Variants in PLXDC1 observed in about 807,000 individuals in gnomAD.
The protein encoded by PLXDC1 is plexin domain containing 1.
A neutral mutation model predicts 61.3 loss-of-function variants in PLXDC1; 39 were observed. That is an observed-to-expected ratio of 0.64 (90% CI 0.49 to 0.83). The LOEUF is 0.83. PLXDC1 is among the 40% of genes least tolerant of loss of function. PLXDC1 has a pLI of 0.00. For missense variants in PLXDC1, 596 were observed against 666.5 expected (o/e 0.89, Z 1.17); for synonymous variants, 212 against 254.5 (o/e 0.83, Z 1.59).
chr17:39,115,563 G>T (rs1186584250), intron 2 of PLXDC1, among the ~76,000 whole-genome samples: 1 of 152,192 alleles, frequency 6.6e-6, no homozygotes, highest in African/African-American at 2.4e-5. Flanking sequence ...GCTGAGGGTG[G>T]CCACACAGTG....
At chr17:39,144,662 A>C (rs1309612523) in intron 1 of PLXDC1, 1 of 152,262 alleles carries the variant, frequency 6.6e-6, no homozygotes, top group East Asian at 1.9e-4. Context: ...CACAAGTTGG[A>C]CACCTGCCCA....
At chr17:39,075,316 C>G (rs1044418712) in intron 11 of PLXDC1, among the ~76,000 whole-genome samples, 1 of 152,230 alleles carries the variant, frequency 6.6e-6, no homozygotes, top group Admixed American at 6.5e-5. Context: ...CTCTCAGTGC[C>G]AGCTCCTTGT....
rs762364460 is a variant in PLXDC1 at position 39,083,440 on chromosome 17, G to T, written c.989+19C>A. 6 of 1,609,048 alleles carry T rather than the reference G, an allele frequency of 3.7e-6. 1 individual carries two copies. In the South Asian group the frequency reaches 6.6e-5, roughly 18 times the overall value. ...CACAGTCGGCCAGTGGGAGTCAGCA[G>T]GTAACCCTGGGCACAAACCTCTGGA... is the stretch of plus-strand genomic sequence containing the variant. On this transcript the variant is annotated intron_variant, in intron 9 of 13. Transcript: ENST00000315392.
chr17:39,128,653 G>A (rs1911431356), intron 2 of PLXDC1, among the ~76,000 whole-genome samples: 1 of 152,156 alleles, frequency 6.6e-6, no homozygotes, highest in Admixed American at 6.6e-5. Flanking sequence ...TCCTCAAAAA[G>A]TTAAACACAG....
chr17:39,108,645 G>C (rs904117673), intron 4 of PLXDC1: 1 of 539,960 alleles, frequency 1.9e-6, no homozygotes, highest in Middle Eastern at 5.0e-4. Context: ...CAGCAACTCC[G>C]GGACACAGGG....
intron 8 of PLXDC1, 53 bp downstream of exon 8, chr17:39,087,554 A>G: frequency 7.4e-7 from 1 of 1,354,548 alleles, no homozygotes; most frequent in Non-Finnish European, 1.1e-6. Flanking sequence ...ACATGAAGCC[A>G]GTCTGCTTGA....
chr17:39,092,454 C>T (rs1289783328), intron 7 of PLXDC1, among the ~76,000 whole-genome samples: 1 of 152,188 alleles, frequency 6.6e-6, no homozygotes, highest in African/African-American at 2.4e-5. Flanking sequence ...AAGAGCACAG[C>T]GCCACCATGC....
chr17:39,122,265 C>T (rs1296912832), intron 2 of PLXDC1, among the ~76,000 whole-genome samples: 8 of 147,674 alleles, frequency 5.4e-5, no homozygotes, highest in Non-Finnish European at 8.9e-5. Context: ...ATTAGCCAGG[C>T]GTGGTGAGGC....
intron 1 of PLXDC1, among the ~76,000 whole-genome samples, chr17:39,145,361 G>C (rs1597662835): frequency 1.3e-5 from 2 of 152,312 alleles, no homozygotes; most frequent in East Asian, 3.9e-4. Context: ...AGGAGGCCAG[G>C]TTGTGCGGCC....
At chr17:39,071,772 A>G (rs1316697439) in intron 12 of PLXDC1, among the ~76,000 whole-genome samples, 1 of 152,034 alleles carries the variant, frequency 6.6e-6, no homozygotes, top group Non-Finnish European at 1.5e-5. Context: ...ACACCATCAC[A>G]CTGTGCTGCA....
chr17:39,089,590 G>C (rs1338434265), intron 7 of PLXDC1, among the ~76,000 whole-genome samples: 1 of 152,156 alleles, frequency 6.6e-6, no homozygotes, highest in African/African-American at 2.4e-5. Context: ...TTTGAATTGG[G>C]TTTTCGTCAC....
At chr17:39,105,131 C>A (rs188255752) in intron 7 of PLXDC1, among the ~76,000 whole-genome samples, 16 of 152,224 alleles carry the variant, frequency 1.1e-4, no homozygotes, top group African/African-American at 3.9e-4. Context: ...CCAGACCTCC[C>A]GGGGTCCTAC....
At chr17:39,143,129 C>T (rs1365830540) in intron 1 of PLXDC1, among the ~76,000 whole-genome samples, 1 of 152,136 alleles carries the variant, frequency 6.6e-6, no homozygotes, top group African/African-American at 2.4e-5. Flanking sequence ...AAAAGCGAAA[C>T]TCCTTCTCCA....
At chr17:39,096,925 C>T (rs1015919937) in intron 7 of PLXDC1, 1 of 471,230 alleles carries the variant, frequency 2.1e-6, no homozygotes, top group Non-Finnish European at 4.4e-6. Context: ...GCTAATTGCA[C>T]ATGACTTTTC....
chr17:39,094,197 G>A (rs926371593), intron 7 of PLXDC1, among the ~76,000 whole-genome samples: 1 of 152,048 alleles, frequency 6.6e-6, no homozygotes, highest in African/African-American at 2.4e-5. Context: ...GTAAGCCTGG[G>A]GGCCTGGGAA....
chr17:39,146,331 A>G (rs2045342217), intron 1 of PLXDC1, among the ~76,000 whole-genome samples: 1 of 151,934 alleles, frequency 6.6e-6, no homozygotes, highest in Admixed American at 6.5e-5. Context: ...TTGGCCTCCC[A>G]AAGTGCTGGG....
At chr17:39,106,697 T>A (rs1225696331) in intron 6 of PLXDC1, among the ~76,000 whole-genome samples, 1 of 147,030 alleles carries the variant, frequency 6.8e-6, no homozygotes, top group Non-Finnish European at 1.5e-5. Context: ...TTGCCCAGGC[T>A]GGAGTGCAGT....
At chr17:39,142,170 T>C (rs1911956223) in intron 1 of PLXDC1, among the ~76,000 whole-genome samples, 1 of 152,126 alleles carries the variant, frequency 6.6e-6, no homozygotes, top group African/African-American at 2.4e-5. Context: ...TTGCCAAATA[T>C]CCCCTGGGGA....
chr17:39,117,723 CAG>C (rs1302151741), intron 2 of PLXDC1, among the ~76,000 whole-genome samples: 1 of 152,196 alleles, frequency 6.6e-6, no homozygotes, highest in East Asian at 1.9e-4. Flanking sequence ...GCCTGGGCAA[CAG>C]AGCAAGACAT....
Sources: allele counts gnomAD v4.1 joint callset (sites outside exome capture counted in the v4.1 genomes callset), GRCh38; gene constraint gnomAD v4.1.1; transcripts MANE v1.5; gene names NCBI Gene and HGNC (gene_info 2026-07-23, HGNC 2026-07-21).